The following HMGA2 variants were observed in gnomAD, a reference collection of about 807,000 sequenced individuals.
HMGA2 encodes high mobility group protein HMGI-C.
In HMGA2, 8 loss-of-function variants were observed where a neutral mutation model predicts 19.1. The ratio of observed to expected loss-of-function variants is 0.42; its 90% confidence interval spans 0.25 to 0.76. HMGA2 has a LOEUF of 0.76. Among genes scored for constraint, HMGA2 ranks in the 30% least tolerant of loss-of-function variants. HMGA2 has a pLI of 0.28. For missense variants in HMGA2, 109 were observed against 136.3 expected, an observed-to-expected ratio of 0.80 and a Z score of 1.00; for synonymous variants, 60 against 48.8, an observed-to-expected ratio of 1.23 and a Z score of -0.96.
chr12:65,920,580 A>G (rs1288668791), intron 3 of HMGA2, among the ~76,000 whole-genome samples: 2 of 152,160 alleles, frequency 1.3e-5, no homozygotes, highest in East Asian at 3.9e-4. Flanking sequence ...CATGGGGGCC[A>G]GTCTTTCCCA....
At chr12:65,950,671 A>C (rs1876427170) in intron 3 of HMGA2, among the ~76,000 whole-genome samples, 1 of 152,218 alleles carries the variant, frequency 6.6e-6, no homozygotes, top group African/African-American at 2.4e-5. Context: ...TGAATATACT[A>C]AAATATACTT....
At chr12:65,861,478 C>T (rs1038217342) in intron 3 of HMGA2, among the ~76,000 whole-genome samples, 1 of 152,040 alleles carries the variant, frequency 6.6e-6, no homozygotes, top group Non-Finnish European at 1.5e-5. Flanking sequence ...TGTATGTAAA[C>T]GTATTTCTTA....
rs188830543 is a variant in HMGA2, at chr12:65,885,347, C to T, written c.249+46778C>T. ...ATGACATCACGAGATACATATTTCTCAGATACAAAGGATTGTTGTTATGTT... is the reference window on the plus strand; with the variant it reads ...ATGACATCACGAGATACATATTTCTTAGATACAAAGGATTGTTGTTATGTT... On this transcript the variant is annotated intron_variant, in intron 3 of 4. Transcript: ENST00000403681. 4.3e-4 allele frequency among the ~76,000 whole-genome samples: 66 copies of T among 152,164 alleles called. 1 individual carries two copies. The highest frequency in any genetic ancestry group is 1.6e-3 in the African/African-American group (66 of 41,526).
At chr12:65,931,491 T>A (rs905434490) in intron 3 of HMGA2, among the ~76,000 whole-genome samples, 2 of 152,102 alleles carry the variant, frequency 1.3e-5, no homozygotes, top group African/African-American at 4.8e-5. Context: ...TATATACTTA[T>A]AACTGCTCTA....
chr12:65,842,941 A>ATGT, intron 3 of HMGA2: 2 of 1,103,890 alleles, frequency 1.8e-6, no homozygotes, highest in Non-Finnish European at 2.2e-6. Flanking sequence ...CTCCATCCAG[A>ATGT]TGTTGCTTAG....
At chr12:65,962,004 C>T (rs1328698169) in intron 4 of HMGA2, among the ~76,000 whole-genome samples, 1 of 152,070 alleles carries the variant, frequency 6.6e-6, no homozygotes, top group Non-Finnish European at 1.5e-5. Context: ...TAAATTGTGT[C>T]GGTTAGCCAC....
At chr12:65,910,932 T>A (rs1238611552) in intron 3 of HMGA2, among the ~76,000 whole-genome samples, 2 of 152,216 alleles carry the variant, frequency 1.3e-5, no homozygotes, top group African/African-American at 4.8e-5. Context: ...AGTCACTGAA[T>A]GCCAGTGGTT....
At chr12:65,962,390 G>T (rs979067751) in intron 4 of HMGA2, among the ~76,000 whole-genome samples, 3 of 152,218 alleles carry the variant, frequency 2.0e-5, no homozygotes, top group African/African-American at 4.8e-5. Context: ...GGAGGAGTTA[G>T]ATTTATATGA....
chr12:65,953,977 G>T (rs1469185232), intron 4 of HMGA2: 5 of 152,118 alleles, frequency 3.3e-5, no homozygotes, highest in Non-Finnish European at 5.9e-5. Context: ...ATTCAGAATC[G>T]CTTTTGAGGT....
At chr12:65,875,041 AT>A (rs1481224874) in intron 3 of HMGA2, among the ~76,000 whole-genome samples, 1 of 152,036 alleles carries the variant, frequency 6.6e-6, no homozygotes, top group Admixed American at 6.6e-5. Flanking sequence ...GCTTGATGCT[AT>A]GGCCATAATG....
chr12:65,907,301 T>G (rs1245782340), intron 3 of HMGA2, among the ~76,000 whole-genome samples: 1 of 150,292 alleles, frequency 6.7e-6, no homozygotes, highest in African/African-American at 2.5e-5. Flanking sequence ...TCCCAGCTAC[T>G]CAGGAAGCTG....
intron 3 of HMGA2, among the ~76,000 whole-genome samples, chr12:65,865,949 TC>T (rs200480739): frequency 0.018 from 2,810 of 152,198 alleles, 50 homozygotes; most frequent in Middle Eastern, 0.041. Flanking sequence ...GCCATCCCCA[TC>T]TATTTTTCAC....
At chr12:65,939,955 C>T (rs1165764571) in intron 3 of HMGA2, among the ~76,000 whole-genome samples, 3 of 152,096 alleles carry the variant, frequency 2.0e-5, no homozygotes, top group Non-Finnish European at 4.4e-5. Flanking sequence ...TATTCTTCTC[C>T]ATATTTTGGT....
rs1705 is a variant in HMGA2 at position 65,964,104 on chromosome 12, A to G, written c.*812A>G. 136 of 204,396 alleles carry G rather than the reference A, an allele frequency of 6.7e-4. No homozygotes were observed. The highest frequency in any genetic ancestry group is 1.1e-3 in the Non-Finnish European group (108 of 99,952). The allele number at this position is 204,396 out of a possible 1,614,324, so 12.7% of individuals were successfully genotyped here. ...CTACTTCCTACAGAGCCAAAATGCC[A>G]TTTAGCAATAAATAACACTTGTCAG... is the stretch of plus-strand genomic sequence containing the variant. On this transcript the variant is annotated 3_prime_UTR_variant, in exon 5 of 5. Coordinates refer to ENST00000403681, the MANE Select transcript of HMGA2 (RefSeq NM_003483.6).
chr12:65,825,097 T>G lies in HMGA2; in HGVS notation c.-174T>G. 1.9e-6 allele frequency: 1 copy of G among 524,006 alleles called. No individual in the cohort carries two copies. Among genetic ancestry groups the G allele is most frequent in the Non-Finnish European group, 3.3e-6 (1 of 300,506 alleles). The allele number at this position is 524,006 out of a possible 1,614,324, so 32.5% of individuals were successfully genotyped here. On this transcript the variant is annotated 5_prime_UTR_variant, in exon 1 of 5. Transcript: ENST00000403681. The surrounding 1 kb of genome is among the most constrained non-coding windows in gnomAD (Gnocchi z 4.4). Reference sequence around the variant, plus strand: ...TTTGGCAGCCGCTGGACGTCCGGTGTTGATGGTGGCAGCGGCGGCAGCCTA... The same window carrying G: ...TTTGGCAGCCGCTGGACGTCCGGTGGTGATGGTGGCAGCGGCGGCAGCCTA...
chr12:65,954,375 T>C (rs1876546127), intron 4 of HMGA2: 1 of 152,222 alleles, frequency 6.6e-6, no homozygotes, highest in Non-Finnish European at 1.5e-5. Context: ...AATTTTCTAG[T>C]AATTGCTCCA....
rs971874249 is a variant in HMGA2 at position 65,964,302 on chromosome 12, G to A, written c.*1010G>A. The A allele has an allele frequency of 1.2e-5, 2 of 164,988 alleles. No individual in the cohort carries two copies. Among genetic ancestry groups the A allele is most frequent in the East Asian group, 7.6e-5 (1 of 13,176 alleles). 10.2% of individuals were successfully genotyped at this position (164,988 alleles called of 1,614,324 possible). On this transcript the variant is annotated 3_prime_UTR_variant, in exon 5 of 5. Coordinates refer to ENST00000403681, the MANE Select transcript of HMGA2 (RefSeq NM_003483.6). Reference sequence around the variant, plus strand: ...AATTTAAAAAGCAAAAAAAAAAAAGGGGGGGGCAATCTCTCTCTGTGTCTT... The same window carrying A: ...AATTTAAAAAGCAAAAAAAAAAAAGAGGGGGGCAATCTCTCTCTGTGTCTT...
chr12:65,833,267 T>C (rs1319547395), intron 2 of HMGA2, among the ~76,000 whole-genome samples: 2 of 152,276 alleles, frequency 1.3e-5, no homozygotes, highest in African/African-American at 4.8e-5. Flanking sequence ...TTGATATCAG[T>C]GTACATTGAT....
chr12:65,852,794 G>A (rs114656139), intron 3 of HMGA2, among the ~76,000 whole-genome samples: 288 of 152,270 alleles, frequency 1.9e-3, no homozygotes, highest in African/African-American at 5.9e-3. Flanking sequence ...AGGGTTGGGT[G>A]AGGTTAAGAG....
Sources: gnomAD v4.1 joint callset for allele counts (sites outside exome capture counted in the v4.1 genomes callset) on GRCh38, gnomAD v4.1.1 for gene constraint, Gnocchi (gnomAD v3.1) non-coding constraint, MANE v1.5 for transcripts, NCBI Gene and HGNC (gene_info 2026-07-23, HGNC 2026-07-21) for gene names.